Variants in ERBB4 observed in about 807,000 individuals in gnomAD.
The protein encoded by ERBB4 is receptor tyrosine-protein kinase erbB-4.
In ERBB4, 42 loss-of-function variants were observed where a neutral mutation model predicts 158.0. That is an observed-to-expected ratio of 0.27 (90% CI 0.21 to 0.34). The LOEUF is 0.34. Ranked by LOEUF, ERBB4 falls within the 10% of genes least tolerant of loss-of-function variation. The pLI is 1.00. For missense variants in ERBB4, 1,333 were observed against 1,624.1 expected (o/e 0.82, Z 3.08); for synonymous variants, 583 against 558.7 (o/e 1.04, Z -0.61).
In ERBB4 at chr2:211,428,477, T is replaced by C. The variant is rs778742444; in HGVS notation, c.2650A>G (p.Ile884Val). 5 of 1,543,060 alleles carry C rather than the reference T, an allele frequency of 3.2e-6. No individual in the cohort carries two copies. Among genetic ancestry groups the C allele is most frequent in the Non-Finnish European group, 9.0e-7 (1 of 1,116,352 alleles). The change falls in exon 22 of 28, where the codon ATT becomes GTT. Residue 884 changes from isoleucine to valine, a missense_variant. This residue lies in a region of ERBB4 where 314 missense variants were observed against 437.6 expected (regional missense o/e 0.72). Coordinates refer to ENST00000342788, the MANE Select transcript of ERBB4 (RefSeq NM_005235.3). ...ATACACTCCAGAGCCATCCATTTAA[T>C]TGGCATCTATAGAGAAGTAAGAAGT... ...EYNADGGKMP[I>V]KWMALECIHY...
At chr2:211,729,501 A>G (rs1004101887) in intron 5 of ERBB4, among the ~76,000 whole-genome samples, 5 of 151,938 alleles carry the variant, frequency 3.3e-5, no homozygotes, top group Middle Eastern at 3.4e-3. Context: ...TGGGGTTAAA[A>G]AAAATATTTC....
At chr2:212,282,499 A>G (rs1336053625) in intron 1 of ERBB4, among the ~76,000 whole-genome samples, 1 of 151,940 alleles carries the variant, frequency 6.6e-6, no homozygotes, top group Non-Finnish European at 1.5e-5. Context: ...GACTTGTATG[A>G]AGTAACCCAG....
At position 211,382,444 on chromosome 2, in the gene ERBB4, T is replaced by C. The variant is rs542533981; in HGVS notation, c.*1171A>G. 1 of 232,522 alleles carries C rather than the reference T, an allele frequency of 4.3e-6. No individual in the cohort carries two copies. Among genetic ancestry groups the C allele is most frequent in the South Asian group, 1.8e-4 (1 of 5,520 alleles). The allele number at this position is 232,522 out of a possible 1,614,324, so 14.4% of individuals were successfully genotyped here. The stretch of plus-strand genomic sequence containing the variant: ...TCTTTTTTTAAAAATGTACTTAAAT[T>C]AGTTAATTTGCTGGTTGCTTCCATA... On this transcript the variant is annotated 3_prime_UTR_variant, in exon 28 of 28. Coordinates refer to ENST00000342788, the MANE Select transcript of ERBB4 (RefSeq NM_005235.3).
intron 1 of ERBB4, among the ~76,000 whole-genome samples, chr2:212,197,753 T>C (rs979178969): frequency 6.6e-6 from 1 of 152,204 alleles, no homozygotes; most frequent in Non-Finnish European, 1.5e-5. Context: ...TGTAACTATA[T>C]AGCTAAGTAG....
chr2:212,349,400 C>T (rs10804205), intron 1 of ERBB4, among the ~76,000 whole-genome samples: 81,230 of 151,774 alleles, frequency 0.54, 22,211 homozygotes, highest in East Asian at 0.79. Flanking sequence ...TTTCCACACA[C>T]TGGAAAGGTT....
At chr2:211,885,203 T>C (rs1182258529) in intron 3 of ERBB4, among the ~76,000 whole-genome samples, 1 of 152,134 alleles carries the variant, frequency 6.6e-6, no homozygotes, top group East Asian at 1.9e-4. Flanking sequence ...CTACCACAAA[T>C]TATAATTTGT....
chr2:212,515,398 A>C (rs1156397474), intron 1 of ERBB4, among the ~76,000 whole-genome samples: 1 of 152,120 alleles, frequency 6.6e-6, no homozygotes, highest in Admixed American at 6.5e-5. Flanking sequence ...AAATCTTTTT[A>C]TTTCCTTTTC....
intron 25 of ERBB4, among the ~76,000 whole-genome samples, chr2:211,417,572 T>TATTC (rs1476965665): frequency 1.3e-5 from 2 of 152,242 alleles, no homozygotes; most frequent in African/African-American, 2.4e-5. Context: ...CTTAAATTTG[T>TATTC]ATTCATCAAC....
intron 20 of ERBB4, among the ~76,000 whole-genome samples, chr2:211,515,915 T>A (rs866626429): frequency 0.038 from 3,948 of 103,800 alleles, 69 homozygotes; most frequent in African/African-American, 0.052. Context: ...TATATATATT[T>A]TTTTTTTTTT....
chr2:212,510,055 C>T (rs1364443562), intron 1 of ERBB4, among the ~76,000 whole-genome samples: 1 of 151,052 alleles, frequency 6.6e-6, no homozygotes, highest in East Asian at 1.9e-4. Flanking sequence ...GTTCGCCTTG[C>T]AGTCAAATGT....
chr2:211,409,344 T>TA (rs2063209528), intron 25 of ERBB4, among the ~76,000 whole-genome samples: 1 of 152,122 alleles, frequency 6.6e-6, no homozygotes, highest in Non-Finnish European at 1.5e-5. Flanking sequence ...AGGTTAAGGG[T>TA]AATAAATGTA....
intron 20 of ERBB4, among the ~76,000 whole-genome samples, chr2:211,444,656 C>T (rs530901145): frequency 6.6e-6 from 1 of 152,164 alleles, no homozygotes; most frequent in South Asian, 2.1e-4. Flanking sequence ...ATAATATACA[C>T]TGTGTATACA....
At chr2:212,159,034 G>A (rs747948112) in intron 1 of ERBB4, among the ~76,000 whole-genome samples, 4 of 151,908 alleles carry the variant, frequency 2.6e-5, no homozygotes, top group Admixed American at 1.3e-4. Flanking sequence ...AAATGTGGTC[G>A]ATATGTTGTT....
chr2:211,726,111 A>AC (rs1301594622), intron 5 of ERBB4, among the ~76,000 whole-genome samples: 1 of 152,122 alleles, frequency 6.6e-6, no homozygotes, highest in Non-Finnish European at 1.5e-5. Context: ...ATAGTATATC[A>AC]CTTCCTGGTT....
At chr2:212,052,445 T>C (rs1262754132) in intron 2 of ERBB4, among the ~76,000 whole-genome samples, 1 of 152,164 alleles carries the variant, frequency 6.6e-6, no homozygotes, top group Non-Finnish European at 1.5e-5. Context: ...CTTAATAAAC[T>C]TCCCTTCATA....
chr2:211,718,727 TA>T (rs77737317), intron 7 of ERBB4, among the ~76,000 whole-genome samples: 5,679 of 140,172 alleles, frequency 0.041, 327 homozygotes, highest in African/African-American at 0.13. Flanking sequence ...TATATAAAAC[TA>T]AAAAAAAAAA....
intron 19 of ERBB4, among the ~76,000 whole-genome samples, chr2:211,570,045 T>C (rs1398059210): frequency 6.6e-6 from 1 of 152,192 alleles, no homozygotes; most frequent in African/African-American, 2.4e-5. Context: ...TTTCAAATGT[T>C]AGAGAAAGGC....
chr2:212,489,722 CAT>C (rs35013848), intron 1 of ERBB4, among the ~76,000 whole-genome samples: 6,862 of 149,644 alleles, frequency 0.046, 511 homozygotes, highest in African/African-American at 0.15. Flanking sequence ...AAAATATATA[CAT>C]ATATATATAT....
intron 2 of ERBB4, among the ~76,000 whole-genome samples, chr2:212,051,862 C>T (rs2077408846): frequency 6.6e-6 from 1 of 152,218 alleles, no homozygotes; most frequent in Middle Eastern, 3.4e-3. Context: ...TTAAATTACA[C>T]CACACAGATT....
Sources: gnomAD v4.1 joint callset for allele counts (sites outside exome capture counted in the v4.1 genomes callset) on GRCh38, gnomAD v4.1.1 for gene constraint, gnomAD v4.1.1 regional missense constraint, MANE v1.5 for transcripts, NCBI Gene and HGNC (gene_info 2026-07-23, HGNC 2026-07-21) for gene names.